The following MCC variants were observed in gnomAD, a reference collection of about 807,000 sequenced individuals.
The protein encoded by MCC is colorectal mutant cancer protein.
Under a neutral mutation model 116.2 loss-of-function variants are expected in MCC, and 90 were observed. That is an observed-to-expected ratio of 0.77 (90% confidence interval 0.65 to 0.92). The LOEUF is 0.92. MCC is among the 40% of genes least tolerant of loss of function. The pLI, the probability that MCC is intolerant of heterozygous loss-of-function variation, is 0.00. For synonymous variants in MCC, 578 were observed against 510.5 expected, an observed-to-expected ratio of 1.13 and a Z score of -1.78; for missense variants, 1,516 against 1,312.2, an observed-to-expected ratio of 1.16 and a Z score of -2.40.
At chr5:113,364,504 G>C (rs934226160) in intron 2 of MCC, among the ~76,000 whole-genome samples, 4 of 152,230 alleles carry the variant, frequency 2.6e-5, no homozygotes, top group African/African-American at 9.6e-5. Flanking sequence ...TCCAACTACA[G>C]GGTGCAAACT....
chr5:113,218,488 G>C (rs981330316), intron 3 of MCC, among the ~76,000 whole-genome samples: 1 of 152,178 alleles, frequency 6.6e-6, no homozygotes, highest in Non-Finnish European at 1.5e-5. Flanking sequence ...AGAATAATCA[G>C]TTAAGTGTAT....
chr5:113,350,937 C>T (rs984435157), intron 2 of MCC, among the ~76,000 whole-genome samples: 1 of 152,022 alleles, frequency 6.6e-6, no homozygotes, highest in Non-Finnish European at 1.5e-5. Context: ...TGAAAAGGTG[C>T]TCAACATCAT....
At chr5:113,147,199 G>A (rs1030648089) in intron 4 of MCC, among the ~76,000 whole-genome samples, 1 of 152,106 alleles carries the variant, frequency 6.6e-6, no homozygotes, top group Non-Finnish European at 1.5e-5. Flanking sequence ...TTGCCTATAT[G>A]CAAAAATGTG....
intron 3 of MCC, among the ~76,000 whole-genome samples, chr5:113,307,084 G>GT (rs1156835244): frequency 2.0e-5 from 3 of 152,094 alleles, no homozygotes; most frequent in Non-Finnish European, 4.4e-5. Flanking sequence ...AAATCAGAAC[G>GT]TGTGTTGAGT....
intron 3 of MCC, among the ~76,000 whole-genome samples, chr5:113,171,953 T>C (rs1001625458): frequency 2.6e-5 from 4 of 152,164 alleles, no homozygotes; most frequent in African/African-American, 4.8e-5. Flanking sequence ...CAGTGCCATG[T>C]TTTGACCAAG....
chr5:113,275,511 T>C (rs1765788154), intron 3 of MCC, among the ~76,000 whole-genome samples: 1 of 152,176 alleles, frequency 6.6e-6, no homozygotes, highest in African/African-American at 2.4e-5. Context: ...AGGACTCCAC[T>C]AGGCCCCAGG....
intron 1 of MCC, among the ~76,000 whole-genome samples, chr5:113,430,976 G>A (rs150995227): frequency 4.6e-5 from 7 of 152,158 alleles, no homozygotes; most frequent in African/African-American, 1.4e-4. Flanking sequence ...AAATGTGTAC[G>A]GTAGGAAGAG....
chr5:113,484,529 C>T (rs1772461738), intron 1 of MCC, among the ~76,000 whole-genome samples: 1 of 152,052 alleles, frequency 6.6e-6, no homozygotes, highest in Admixed American at 6.6e-5. Flanking sequence ...TGACAATAAA[C>T]AGGCAAAGTA....
At chr5:113,255,940 C>G (rs1273290770) in intron 3 of MCC, among the ~76,000 whole-genome samples, 1 of 152,154 alleles carries the variant, frequency 6.6e-6, no homozygotes, top group Non-Finnish European at 1.5e-5. Flanking sequence ...TCCTAAAATC[C>G]AAAAGCGCTT....
intron 17 of MCC, among the ~76,000 whole-genome samples, chr5:113,033,637 T>C (rs1361259219): frequency 6.6e-6 from 1 of 152,216 alleles, no homozygotes; most frequent in Non-Finnish European, 1.5e-5. Context: ...GCACCTTCAA[T>C]AGTAATGTAT....
rs1321960115 is a variant in MCC, at chr5:113,024,893, A to AAATT, written c.*2405_*2408dup. ...CTTTTTTATTATACATATTTATAAA[A>AAATT]AATTAACACTTTTGCCTGCAAAATA... On this transcript the variant is annotated 3_prime_UTR_variant, in exon 19 of 19. Transcript: ENST00000408903. The AAATT allele has an allele frequency of 5.3e-5, 8 of 152,336 alleles. No homozygotes were observed. Among genetic ancestry groups the AAATT allele is most frequent in the South Asian group, 2.1e-4 (1 of 4,824 alleles). The allele number at this position is 152,336 out of a possible 1,614,324, so 9.4% of individuals were successfully genotyped here.
At chr5:113,456,637 T>C (rs1257160732) in intron 1 of MCC, among the ~76,000 whole-genome samples, 1 of 134,284 alleles carries the variant, frequency 7.4e-6, no homozygotes, top group African/African-American at 3.1e-5. Context: ...TTTTTTTTTT[T>C]TTTTTTTTTT....
chr5:113,308,171 G>C (rs895138470), intron 3 of MCC, among the ~76,000 whole-genome samples: 3 of 152,008 alleles, frequency 2.0e-5, no homozygotes, highest in African/African-American at 7.2e-5. Flanking sequence ...ACAAGGTCTT[G>C]CAATGTTGCC....
intron 1 of MCC, among the ~76,000 whole-genome samples, chr5:113,429,021 ATATC>A (rs1396866875): frequency 6.6e-6 from 1 of 152,188 alleles, no homozygotes; most frequent in African/African-American, 2.4e-5. Context: ...TAATCACACT[ATATC>A]TAAGTATCCC....
rs1750338671 is a variant in MCC, at chr5:113,023,865, C to T, written c.*3437G>A. On this transcript the variant is annotated 3_prime_UTR_variant, in exon 19 of 19. Coordinates refer to ENST00000408903, the MANE Select transcript of MCC (RefSeq NM_001085377.2). ...TATAATTCTCGTGGGCCATAGGAAA[C>T]ACCTTCAGAAGGGAACAAGCAACTA... is the stretch of plus-strand genomic sequence containing the variant. 1 of 152,182 alleles carries T rather than the reference C, an allele frequency of 6.6e-6. No individual in the cohort carries two copies. Among genetic ancestry groups the T allele is most frequent in the South Asian group, 2.1e-4 (1 of 4,824 alleles). 9.4% of individuals were successfully genotyped at this position (152,182 alleles called of 1,614,324 possible). A position where few individuals can be genotyped will look rare whatever the true frequency, so the allele number is the denominator to read the frequency against.
chr5:113,100,209 T>G, intron 8 of MCC, among the ~76,000 whole-genome samples: 1 of 152,182 alleles, frequency 6.6e-6, no homozygotes. Flanking sequence ...GAAGAAGAGT[T>G]GATAACATTC....
intron 2 of MCC, among the ~76,000 whole-genome samples, chr5:113,382,031 A>G (rs961010521): frequency 6.6e-6 from 1 of 152,210 alleles, no homozygotes; most frequent in African/African-American, 2.4e-5. Flanking sequence ...GATTGCCAAC[A>G]TGGAGGCAGC....
intron 3 of MCC, among the ~76,000 whole-genome samples, chr5:113,200,411 A>T (rs1762625584): frequency 6.6e-6 from 1 of 152,208 alleles, no homozygotes; most frequent in Non-Finnish European, 1.5e-5. Context: ...GTGAACCACG[A>T]GTTGCTGTGA....
At chr5:113,063,959 C>T (rs1753400765) in intron 14 of MCC, 25 bp downstream of exon 14, 4 of 1,600,008 alleles carry the variant, frequency 2.5e-6, no homozygotes, top group East Asian at 2.2e-5. Context: ...ACACGCCCAC[C>T]CCAGAGCAGA....
Sources: allele counts gnomAD v4.1 joint callset (sites outside exome capture counted in the v4.1 genomes callset), GRCh38; gene constraint gnomAD v4.1.1; transcripts MANE v1.5; gene names NCBI Gene and HGNC (gene_info 2026-07-23, HGNC 2026-07-21).